Variants in KCNMA1 observed in about 807,000 individuals in gnomAD.
KCNMA1 encodes the protein potassium calcium-activated channel subfamily M alpha 1, also known as Calcium-activated potassium channel subunit alpha-1.
KCNMA1 carries 29 observed loss-of-function variants against 140.0 expected under a neutral mutation model. The observed-to-expected ratio is 0.21, with a 90% CI of 0.15 to 0.28. The LOEUF (loss-of-function observed/expected upper bound fraction) is 0.28, where lower values mean the gene tolerates loss of function less well. Ranked by LOEUF, KCNMA1 falls within the 10% of genes least tolerant of loss-of-function variation. KCNMA1 has a pLI of 1.00. For missense variants in KCNMA1, 880 were observed against 1,602.2 expected (o/e 0.55, Z 7.70); for synonymous variants, 612 against 611.9 (o/e 1.00, Z 0.00).
intron 20 of KCNMA1, among the ~76,000 whole-genome samples, chr10:76,967,406 G>A (rs1044054202): frequency 3.3e-5 from 5 of 152,194 alleles, no homozygotes; most frequent in Non-Finnish European, 7.3e-5. Context: ...AGGGAGCTGG[G>A]AGAGCCCTTG....
intron 3 of KCNMA1, among the ~76,000 whole-genome samples, chr10:77,236,326 A>G (rs2055437066): frequency 6.6e-6 from 1 of 152,172 alleles, no homozygotes; most frequent in African/African-American, 2.4e-5. Flanking sequence ...TTTTCCCTGT[A>G]ATAAATTGTA....
At chr10:77,441,965 C>T (rs1412159404) in intron 1 of KCNMA1, among the ~76,000 whole-genome samples, 4 of 152,138 alleles carry the variant, frequency 2.6e-5, no homozygotes, top group Non-Finnish European at 1.5e-5. Flanking sequence ...AGCCTCAGGG[C>T]GGCTTCAGAA....
chr10:77,080,707 A>T (rs1489791417), intron 12 of KCNMA1, among the ~76,000 whole-genome samples: 1 of 152,128 alleles, frequency 6.6e-6, no homozygotes, highest in Non-Finnish European at 1.5e-5. Context: ...CTACGTAGAC[A>T]TCGAAAGCGA....
At chr10:77,307,087 C>T (rs937376546) in intron 2 of KCNMA1, among the ~76,000 whole-genome samples, 1 of 152,304 alleles carries the variant, frequency 6.6e-6, no homozygotes, top group Middle Eastern at 3.4e-3. Flanking sequence ...GAATCCCTTT[C>T]CTTTAATTTA....
intron 15 of KCNMA1, chr10:77,039,219 C>G (rs1316160257): frequency 6.8e-6 from 3 of 442,754 alleles, no homozygotes; most frequent in Non-Finnish European, 1.2e-5. Context: ...GGGTTTATGC[C>G]ACTCTTCATA....
intron 14 of KCNMA1, among the ~76,000 whole-genome samples, chr10:77,065,431 C>G (rs987236108): frequency 1.3e-5 from 2 of 152,222 alleles, no homozygotes; most frequent in Admixed American, 6.5e-5. Flanking sequence ...GACATCTACT[C>G]TCTCTAGAGA....
In KCNMA1 at chr10:77,001,499, GA is replaced by G. The variant is rs1348741432; in HGVS notation, c.2173del (p.Ser725GlnfsTer61). The G allele has an allele frequency of 6.4e-7, 1 of 1,552,074 alleles. No individual in the cohort carries two copies. Among genetic ancestry groups the G allele is most frequent in the Non-Finnish European group, 8.7e-7 (1 of 1,147,022 alleles). ...GTCCACGTTACCACGCACACGGCCT[GA>G]CATGCATGAGCAGTCACGCTCAGAA... is the stretch of plus-strand genomic sequence containing the variant. ...GRSERDCSCMSGRVRGNVDTL... is the reference protein window; with the variant it reads ...GRSERDCSCMXGRVRGNVDTL... On this transcript the variant is annotated frameshift_variant, in exon 19 of 28. Transcript: ENST00000286628. LOFTEE classifies it high-confidence loss of function.
chr10:77,506,997 T>C (rs1054255800), intron 1 of KCNMA1, among the ~76,000 whole-genome samples: 5 of 152,136 alleles, frequency 3.3e-5, no homozygotes, highest in African/African-American at 1.2e-4. Flanking sequence ...CAGCCGCCCA[T>C]GGCAAAACTT....
intron 2 of KCNMA1, among the ~76,000 whole-genome samples, chr10:77,275,054 G>A (rs554734172): frequency 2.0e-5 from 3 of 152,184 alleles, no homozygotes; most frequent in Non-Finnish European, 4.4e-5. Context: ...CAAAACCTTG[G>A]CAATCATTAT....
chr10:77,588,337 T>C (rs2077897253), intron 1 of KCNMA1, among the ~76,000 whole-genome samples: 1 of 152,118 alleles, frequency 6.6e-6, no homozygotes, highest in South Asian at 2.1e-4. Flanking sequence ...AATATTCATG[T>C]AGGGGACAGA....
rs561815823 is a variant in KCNMA1, at chr10:77,086,610, G to A, written c.1335-17C>T. 1.9e-6 allele frequency: 3 copies of A among 1,568,572 alleles called. No individual in the cohort carries two copies. Among genetic ancestry groups the A allele is most frequent in the East Asian group, 2.2e-5 (1 of 44,632 alleles). On this transcript the variant is annotated splice_polypyrimidine_tract_variant and intron_variant, in intron 10 of 27. Transcript: ENST00000286628. The stretch of plus-strand genomic sequence containing the variant: ...GGGGAGATGCTACACAGGGAGAGAA[G>A]AAATCGCTATTAATTTAATGGACTC...
At chr10:77,635,471 CT>C (rs2093644704) in intron 1 of KCNMA1, 1 of 152,212 alleles carries the variant, frequency 6.6e-6, no homozygotes, top group Non-Finnish European at 1.5e-5. Context: ...TATGAGCTAT[CT>C]TTCCCCTAAA....
chr10:76,997,709 G>T (rs1188338776), intron 19 of KCNMA1, among the ~76,000 whole-genome samples: 2 of 152,168 alleles, frequency 1.3e-5, no homozygotes, highest in Non-Finnish European at 2.9e-5. Flanking sequence ...CTATATTTAT[G>T]TGCATGTGTA....
chr10:77,573,166 T>C (rs111908264), intron 1 of KCNMA1, among the ~76,000 whole-genome samples: 66 of 152,208 alleles, frequency 4.3e-4, no homozygotes, highest in African/African-American at 1.1e-3. Flanking sequence ...TTAAAAGTCC[T>C]TCCCACTAAG....
chr10:77,336,431 T>TAA, intron 2 of KCNMA1, among the ~76,000 whole-genome samples: 1 of 120,060 alleles, frequency 8.3e-6, no homozygotes, highest in African/African-American at 3.1e-5. Flanking sequence ...ACTCAATGCT[T>TAA]AAAAAAAAAA....
rs547681523 is a variant in KCNMA1 at position 77,318,384 on chromosome 10, T to C, written c.541-67128A>G. ...GATGCATAGCCAGTGATGGAATCCA[T>C]GTGTGTTGGATTCTGAAGCTCATGC... On this transcript the variant is annotated intron_variant, in intron 2 of 27. Transcript: ENST00000286628. Among the ~76,000 whole-genome samples, 8 of 152,252 alleles carry C rather than the reference T, an allele frequency of 5.3e-5. No homozygotes were observed. The South Asian group carries it at 1.7e-3, about 32-fold the overall frequency.
chr10:77,634,636 T>C (rs894178109), intron 1 of KCNMA1: 2 of 985,404 alleles, frequency 2.0e-6, no homozygotes, highest in African/African-American at 3.5e-5. Flanking sequence ...TGAGGGCTGG[T>C]AGAATTTTCT....
At chr10:77,273,782 T>A (rs2065861691) in intron 2 of KCNMA1, among the ~76,000 whole-genome samples, 1 of 152,194 alleles carries the variant, frequency 6.6e-6, no homozygotes, top group South Asian at 2.1e-4. Context: ...AGTTCATTTA[T>A]TCCACGTGTA....
At chr10:76,872,237 G>A (rs1274311399), downstream of KCNMA1, 1 of 152,210 alleles carries the variant, frequency 6.6e-6, no homozygotes, top group African/African-American at 2.4e-5. Context: ...GAGTCAGGAC[G>A]TTCTACGTCT....
Sources: allele counts gnomAD v4.1 joint callset (sites outside exome capture counted in the v4.1 genomes callset), GRCh38; gene constraint gnomAD v4.1.1; transcripts MANE v1.5; gene names NCBI Gene and HGNC (gene_info 2026-07-23, HGNC 2026-07-21).